The following ERAP1 variants were observed in gnomAD, a reference collection of about 807,000 sequenced individuals.
The protein encoded by ERAP1 is endoplasmic reticulum aminopeptidase 1, also known as adipocyte-derived leucine aminopeptidase.
A neutral mutation model predicts 103.7 loss-of-function variants in ERAP1; 86 were observed. The observed-to-expected ratio is 0.83, with a 90% CI of 0.70 to 0.99. The LOEUF is 0.99. ERAP1 is among the 50% of genes least tolerant of loss of function. ERAP1 has a pLI of 0.00. For synonymous variants in ERAP1, 398 were observed against 402.4 expected, an observed-to-expected ratio of 0.99 and a Z score of 0.13; for missense variants, 1,009 against 1,128.4, an observed-to-expected ratio of 0.89 and a Z score of 1.52.
chr5:96,910,003 C>T, the ERAP1 span: 229 of 378,408 alleles, frequency 6.1e-4, no homozygotes, highest in African/African-American at 4.2e-3. Context: ...CAGTGGCCCA[C>T]GCCTATAATC....
intron 11 of ERAP1, chr5:96,786,798 C>A (rs1284782218): frequency 2.2e-6 from 1 of 453,614 alleles, no homozygotes; most frequent in Non-Finnish European, 4.0e-6. Context: ...CCCTGAAAGC[C>A]TTTTTACAGT....
At chr5:96,915,484 ATT>A in the ERAP1 span, among the ~76,000 whole-genome samples, 82,234 of 151,874 alleles carry the variant, frequency 0.54, 22,317 homozygotes, top group Admixed American at 0.59. Flanking sequence ...CTGTATCTAC[ATT>A]TTCATTTTAT....
the ERAP1 span, chr5:96,896,929 T>C: frequency 6.8e-6 from 10 of 1,462,200 alleles, no homozygotes; most frequent in Non-Finnish European, 9.1e-6. Context: ...TAATTGTGAA[T>C]GTTTATAAAT....
At chr5:96,883,983 C>A in the ERAP1 span, 1 of 1,507,542 alleles carries the variant, frequency 6.6e-7, no homozygotes, top group Admixed American at 2.4e-5. Context: ...GAGACTCAGT[C>A]TTCGTTTGTT....
the ERAP1 span, chr5:96,876,642 G>A: frequency 1.3e-5 from 2 of 152,384 alleles, no homozygotes; most frequent in African/African-American, 4.8e-5. Context: ...CTAAGGCAAG[G>A]TTCTGGGGGA....
At chr5:96,856,104 AG>A in the ERAP1 span, among the ~76,000 whole-genome samples, 1 of 151,584 alleles carries the variant, frequency 6.6e-6, no homozygotes, top group South Asian at 2.1e-4. Context: ...GCAGATTATG[AG>A]GTCAGGACTT....
chr5:96,845,922 GA>G, the ERAP1 span, among the ~76,000 whole-genome samples: 1 of 151,910 alleles, frequency 6.6e-6, no homozygotes, highest in South Asian at 2.1e-4. Flanking sequence ...GATCATATGT[GA>G]AAAAAATGTT....
the ERAP1 span, among the ~76,000 whole-genome samples, chr5:96,899,618 G>A: frequency 2.0e-5 from 3 of 152,198 alleles, no homozygotes; most frequent in African/African-American, 4.8e-5. Flanking sequence ...CAGTTAGTTC[G>A]AAATATTGTA....
the ERAP1 span, among the ~76,000 whole-genome samples, chr5:96,850,805 C>A: frequency 6.6e-6 from 1 of 152,018 alleles, no homozygotes; most frequent in Non-Finnish European, 1.5e-5. Context: ...CAAAGATATC[C>A]AGAAAGCCAA....
the ERAP1 span, among the ~76,000 whole-genome samples, chr5:96,905,221 G>C: frequency 6.6e-6 from 1 of 152,172 alleles, no homozygotes; most frequent in Non-Finnish European, 1.5e-5. Flanking sequence ...TTCAAATAAT[G>C]TGAAGTTGAG....
rs1261956579 is a variant in ERAP1, at chr5:96,775,581, A to C, written c.*815T>G. The stretch of plus-strand genomic sequence containing the variant: ...AGGGTTCTATAAAAAGATTTTTTGC[A>C]AAAGTGCGAGCACATTATGTAGAAA... On this transcript the variant is annotated 3_prime_UTR_variant, in exon 19 of 19. Transcript: ENST00000443439. 1.1e-6 allele frequency: 1 copy of C among 874,112 alleles called. No homozygotes were observed. The highest frequency in any genetic ancestry group is 6.2e-5 in the Admixed American group (1 of 16,130). The allele number at this position is 874,112 out of a possible 1,614,324, so 54.1% of individuals were successfully genotyped here.
At chr5:96,903,842 C>A in the ERAP1 span, among the ~76,000 whole-genome samples, 1 of 152,124 alleles carries the variant, frequency 6.6e-6, no homozygotes, top group Non-Finnish European at 1.5e-5. Flanking sequence ...GGGTCTTTAT[C>A]CTGTGGGCCA....
chr5:96,782,007 AATTTTTT>A (rs1561669185), intron 15 of ERAP1, among the ~76,000 whole-genome samples, 153 bp from the exon 16 acceptor site: 1 of 118,694 alleles, frequency 8.4e-6, no homozygotes. Flanking sequence ...CTTCAGTTAC[AATTTTTT>A]TTTTTTTTTT....
chr5:96,781,273 C>A, intron 16 of ERAP1, 75 bp from the exon 17 acceptor site: 2 of 1,481,058 alleles, frequency 1.4e-6, no homozygotes, highest in African/African-American at 1.4e-5. Flanking sequence ...AATAAAATTA[C>A]TTGTAAAAGA....
chr5:96,776,288 G>GA lies in ERAP1; in HGVS notation c.*107dup, dbSNP rs1774284413. ...GGATAGTCAAAAAATGAGTTGAAGG[G>GA]AAAAAAGTATCTCCAGTTGGAGCCA... On this transcript the variant is annotated 3_prime_UTR_variant, in exon 19 of 19. Coordinates refer to ENST00000443439, the MANE Select transcript of ERAP1 (RefSeq NM_001040458.3). 3.3e-6 allele frequency: 5 copies of GA among 1,536,400 alleles called. No homozygotes were observed. Among genetic ancestry groups the GA allele is most frequent in the Non-Finnish European group, 4.4e-6 (5 of 1,147,666 alleles).
rs27434 is a variant in ERAP1 at position 96,793,809 on chromosome 5, A to G, written c.1068T>C (p.Ala356=). 0.76 allele frequency: 1,219,712 copies of G among 1,610,604 alleles called. 466,017 individuals carry two copies. Among genetic ancestry groups the G allele is most frequent in the Non-Finnish European group, 0.79 (929,018 of 1,177,244 alleles). ...GITMTVAHEL[A]HQWFGNLVTM... is the part of the protein sequence containing the mutation. ...AGTGTGAATGAGCTTATACCTGGTG[A>G]GCCAGTTCATGGGCCACAGTCATTG... The change falls in exon 6 of 19, where the codon GCT becomes GCC. Residue 356 remains alanine (A), a synonymous_variant. Coordinates refer to ENST00000443439, the MANE Select transcript of ERAP1 (RefSeq NM_001040458.3).
chr5:96,883,443 AATT>A, the ERAP1 span, among the ~76,000 whole-genome samples: 2 of 152,188 alleles, frequency 1.3e-5, no homozygotes, highest in African/African-American at 2.4e-5. Flanking sequence ...TTTCCTAGTG[AATT>A]TTGAAGACAT....
the ERAP1 span, among the ~76,000 whole-genome samples, chr5:96,855,871 C>T: frequency 6.6e-6 from 1 of 152,132 alleles, no homozygotes; most frequent in Non-Finnish European, 1.5e-5. Flanking sequence ...CAAGTATATA[C>T]ACACATACAC....
At chr5:96,841,337 G>A in the ERAP1 span, among the ~76,000 whole-genome samples, 5 of 152,274 alleles carry the variant, frequency 3.3e-5, no homozygotes, top group Admixed American at 6.5e-5. Flanking sequence ...TAACACAAAA[G>A]TGTACACAAA....
Sources: gnomAD v4.1 joint callset for allele counts (sites outside exome capture counted in the v4.1 genomes callset) on GRCh38, gnomAD v4.1.1 for gene constraint, MANE v1.5 for transcripts, NCBI Gene and HGNC (gene_info 2026-07-23, HGNC 2026-07-21) for gene names.